GPANK1: variants seen among roughly 807,000 people sequenced by gnomAD.
The protein encoded by GPANK1 is G-patch domain and ankyrin repeats 1.
GPANK1 carries 22 observed loss-of-function variants against 24.0 expected under a neutral mutation model. That is an observed-to-expected ratio of 0.92 (90% confidence interval 0.66 to 1.31). GPANK1 has a LOEUF of 1.31. Among genes scored for constraint, GPANK1 ranks in the 50% most tolerant of loss-of-function variants. The probability of loss-of-function intolerance (pLI) is 0.00; values close to 1 mark genes in which losing one functional copy is unlikely to be tolerated. For missense variants in GPANK1, 469 were observed against 453.5 expected (o/e 1.03, Z -0.31); for synonymous variants, 174 against 177.4 (o/e 0.98, Z 0.15).
At position 31,664,184 on chromosome 6, in the gene GPANK1, C is replaced by T; in HGVS notation, c.295G>A (p.Glu99Lys). ...SGRHGQGRSL[E>K]AEDKMTHRIL... ...CGGTGAGTCATCTTATCCTCAGCCT[C>T]AAGGGATCTCCCTTGTCCATGTCTT... Residue 99 changes from glutamate (E) to lysine (K), a missense_variant, in exon 2 of 3, where the codon GAG becomes AAG. By Grantham distance (56) the Glu-to-Lys change is moderately conservative. Transcript: ENST00000375896. 1 of 1,614,252 alleles carries T rather than the reference C, an allele frequency of 6.2e-7. No homozygotes were observed. Among genetic ancestry groups the T allele is most frequent in the South Asian group, 1.1e-5 (1 of 91,092 alleles).
In GPANK1 at chr6:31,661,419, G is replaced by A. The variant is rs1165473002; in HGVS notation, c.*847C>T. On this transcript the variant is annotated 3_prime_UTR_variant, in exon 3 of 3. Transcript: ENST00000375896. ...CTGCATTATAATATTTGATAACATG[G>A]GCCGGGAGTGGTGGCTCATGCCTGC... The A allele has an allele frequency of 6.6e-6, 1 of 152,348 alleles. No homozygotes were observed. The highest frequency in any genetic ancestry group is 1.5e-5 in the Non-Finnish European group (1 of 68,100). 9.4% of individuals were successfully genotyped at this position (152,348 alleles called of 1,614,324 possible).
At position 31,662,941 on chromosome 6, in the gene GPANK1, C is replaced by T. The variant is rs559997087; in HGVS notation, c.627-231G>A. Among the ~76,000 whole-genome samples, 16 of 147,416 alleles carry T rather than the reference C, an allele frequency of 1.1e-4. No homozygotes were observed. The highest frequency in any genetic ancestry group is 1.5e-4 in the Non-Finnish European group (10 of 67,348). On this transcript the variant is annotated intron_variant, in intron 2 of 2. Transcript: ENST00000375896. This position sits in a 1 kb window ranked among gnomAD's most constrained non-coding sequence, Gnocchi z 5.5. ...GAGACCAGCCTGGGCAAAATGGCAA[C>T]GCCTGCTTTTTTTTTTTTTTTTTTT...
chr6:31,665,811 A>G (rs1466363912), upstream of GPANK1: 14 of 1,229,936 alleles, frequency 1.1e-5, no homozygotes, highest in Admixed American at 1.9e-4. Context: ...CTCTTCACCC[A>G]GTGAGCACAA....
chr6:31,665,555 G>A (rs368533693), upstream of GPANK1: 145 of 1,213,390 alleles, frequency 1.2e-4, 3 homozygotes, highest in South Asian at 1.8e-3. Context: ...AAGTCCCTAC[G>A]CACGGAGCCA....
At position 31,662,529 on chromosome 6, in the gene GPANK1, G is replaced by A. The variant is rs1801011028; in HGVS notation, c.808C>T (p.Pro270Ser). The A allele has an allele frequency of 6.2e-7, 1 of 1,612,714 alleles. No individual in the cohort carries two copies. The highest frequency in any genetic ancestry group is 8.5e-7 in the Non-Finnish European group (1 of 1,179,902). Residue 270 changes from proline to serine, a missense_variant, in exon 3 of 3, where the codon CCA (proline) becomes TCA (serine). Pro to Ser is a moderately conservative substitution (Grantham distance 74). Coordinates refer to ENST00000375896, the MANE Select transcript of GPANK1 (RefSeq NM_033177.4). This position sits in a 1 kb window ranked among gnomAD's most constrained non-coding sequence, Gnocchi z 5.5. The part of the protein sequence containing the change: ...FKLLLRGGWE[P>S]GMGLGPRGEG... Reference sequence around the variant, plus strand: ...CCCCGGGGTCCCAGCCCCATTCCTGGCTCCCAGCCCCCCCTCAGCAGCAGT... The same window carrying A: ...CCCCGGGGTCCCAGCCCCATTCCTGACTCCCAGCCCCCCCTCAGCAGCAGT...
Position 31,662,818 on chromosome 6 carries a change from C to G in GPANK1, c.627-108G>C. The G allele has an allele frequency of 1.5e-6, 1 of 681,344 alleles. No individual in the cohort carries two copies. The highest frequency in any genetic ancestry group is 2.4e-6 in the Non-Finnish European group (1 of 414,930). 42.2% of individuals were successfully genotyped at this position (681,344 alleles called of 1,614,324 possible). ...GAATAGGATCTTTTCAGCTTTTCTG[C>G]TAAGGAACAAATTGCCAGCTAGGCA... On this transcript the variant is annotated intron_variant, in intron 2 of 2. Coordinates refer to ENST00000375896, the MANE Select transcript of GPANK1 (RefSeq NM_033177.4). This position sits in a 1 kb window ranked among gnomAD's most constrained non-coding sequence, Gnocchi z 5.5.
rs758120404 is a variant in GPANK1, at chr6:31,664,050, C to T, written c.429G>A (p.Trp143Ter). Residue 143 changes from tryptophan (W) to a stop codon, truncating the protein, a stop_gained, in exon 2 of 3, where the codon TGG becomes TGA. Coordinates refer to ENST00000375896, the MANE Select transcript of GPANK1 (RefSeq NM_033177.4). LOFTEE classifies it high-confidence loss of function. ...GGNINARDAFWWTPLMCAARA... is the reference protein window; with the variant it reads ...GGNINARDAF Reference sequence around the variant, plus strand: ...GAGCAGCACACATCAGTGGGGTCCACCAGAAGGCATCCCGGGCGTTGATAT... The same window carrying T: ...GAGCAGCACACATCAGTGGGGTCCATCAGAAGGCATCCCGGGCGTTGATAT... 1 of 1,614,218 alleles carries T rather than the reference C, an allele frequency of 6.2e-7. No homozygotes were observed. The highest frequency in any genetic ancestry group is 8.5e-7 in the Non-Finnish European group (1 of 1,180,046).
chr6:31,662,292 T>C lies in GPANK1; in HGVS notation c.1045A>G (p.Arg349Gly). 1 of 1,564,142 alleles carries C rather than the reference T, an allele frequency of 6.4e-7. No homozygotes were observed. ...EKDRAWERDL[R>G]TYMNLEF Reference sequence around the variant, plus strand: ...CAGAACTCGAGGTTCATGTAAGTCCTTAGATCCCGCTCCCAAGCCCTGTCT... The same window carrying C: ...CAGAACTCGAGGTTCATGTAAGTCCCTAGATCCCGCTCCCAAGCCCTGTCT... The change falls in exon 3 of 3, where the codon AGG (arginine) becomes GGG (glycine). Residue 349 changes from arginine (R) to glycine (G), a missense_variant. Arg to Gly is a moderately radical substitution (Grantham distance 125). Transcript: ENST00000375896. This position sits in a 1 kb window ranked among gnomAD's most constrained non-coding sequence, Gnocchi z 5.5.
upstream of GPANK1, chr6:31,665,014 G>C (rs569987052): frequency 3.7e-6 from 1 of 267,870 alleles, no homozygotes; most frequent in East Asian, 8.4e-5. Context: ...CTAATCAGAA[G>C]AGTTGACACA....
chr6:31,664,265 T>C lies in GPANK1; in HGVS notation c.214A>G (p.Lys72Glu). 2 of 1,613,960 alleles carry C rather than the reference T, an allele frequency of 1.2e-6. No individual in the cohort carries two copies. The highest frequency in any genetic ancestry group is 8.5e-7 in the Non-Finnish European group (1 of 1,179,800). Residue 72 changes from lysine to glutamate, a missense_variant, in exon 2 of 3, where the codon AAA becomes GAA. By Grantham distance (56) the Lys-to-Glu change is moderately conservative (BLOSUM62 1). Coordinates refer to ENST00000375896, the MANE Select transcript of GPANK1 (RefSeq NM_033177.4). ...GCTGGTGCCTTCATTATTCTTCTTTTCTTTCTCTTTCTTTCTCTGGCAGGT... is the reference window on the plus strand; with the variant it reads ...GCTGGTGCCTTCATTATTCTTCTTTCCTTTCTCTTTCTTTCTCTGGCAGGT... ...TEPARERKRK[K>E]RRIMKAPAAE...
chr6:31,661,615 C>G lies in GPANK1; in HGVS notation c.*651G>C. ...CTGGGGAGGCTGAGGCAGGAGAATC[C>G]CTTGAACTCGGGGGGCAGAGGTTGT... On this transcript the variant is annotated 3_prime_UTR_variant, in exon 3 of 3. Coordinates refer to ENST00000375896, the MANE Select transcript of GPANK1 (RefSeq NM_033177.4). The G allele has an allele frequency of 6.5e-6, 1 of 153,414 alleles. No homozygotes were observed. The highest frequency in any genetic ancestry group is 1.5e-5 in the Non-Finnish European group (1 of 68,642). 9.5% of individuals were successfully genotyped at this position (153,414 alleles called of 1,614,324 possible).
At chr6:31,665,386 C>A, upstream of GPANK1, 2 of 1,444,164 alleles carry the variant, frequency 1.4e-6, no homozygotes, top group Non-Finnish European at 1.9e-6. Flanking sequence ...AATAACGTCA[C>A]GCCTGCCCCT....
In GPANK1 at chr6:31,663,865, C is replaced by A; in HGVS notation, c.614G>T (p.Ser205Ile). Residue 205 changes from serine to isoleucine, a missense_variant, in exon 2 of 3, where the codon AGC (serine) becomes ATC (isoleucine). Coordinates refer to ENST00000375896, the MANE Select transcript of GPANK1 (RefSeq NM_033177.4). ...MVRESHGETR[S>I]PENRSPTPSL... ...AGTTTCCCCTTACCGGTTTTCCGGG[C>A]TCCTTGTCTCTCCATGGCTCTCCCT... is the stretch of plus-strand genomic sequence containing the variant. The A allele has an allele frequency of 6.4e-7, 1 of 1,556,130 alleles. No homozygotes were observed. Among genetic ancestry groups the A allele is most frequent in the Non-Finnish European group, 8.7e-7 (1 of 1,152,296 alleles).
chr6:31,664,422 C>A lies in GPANK1; in HGVS notation c.57G>T (p.Trp19Cys). 1 of 1,614,106 alleles carries A rather than the reference C, an allele frequency of 6.2e-7. No homozygotes were observed. The highest frequency in any genetic ancestry group is 2.2e-5 in the East Asian group (1 of 44,890). ...FTPATDPSDLWKDGQQQPQPE... is the reference protein window; with the variant it reads ...FTPATDPSDLCKDGQQQPQPE... ...GCTGTGGCTGCTGCTGCCCATCCTT[C>A]CAGAGGTCGCTGGGGTCAGTGGCTG... The change falls in exon 2 of 3, where the codon TGG (tryptophan) becomes TGT (cysteine). Residue 19 changes from tryptophan (W) to cysteine (C), a missense_variant. Trp to Cys is a radical substitution (Grantham distance 215). Coordinates refer to ENST00000375896, the MANE Select transcript of GPANK1 (RefSeq NM_033177.4).
upstream of GPANK1, chr6:31,665,777 C>CT: frequency 1.9e-6 from 2 of 1,076,002 alleles, no homozygotes; most frequent in Non-Finnish European, 2.5e-6. Context: ...GCCTGGCTCC[C>CT]TCCTTTCCCC....
chr6:31,664,675 G>GT, intron 1 of GPANK1, 98 bp from the exon 2 acceptor site: 1 of 582,034 alleles, frequency 1.7e-6, no homozygotes, highest in Non-Finnish European at 3.0e-6. Context: ...GAGACTTTGC[G>GT]TAAAAACATG....
chr6:31,663,349 C>T (rs773160278), intron 2 of GPANK1: 1 of 154,658 alleles, frequency 6.5e-6, no homozygotes, highest in Non-Finnish European at 1.4e-5. Context: ...ACAGATCAAA[C>T]TCCTTACTCC....
At chr6:31,666,129 C>A, upstream of GPANK1, 4 of 995,714 alleles carry the variant, frequency 4.0e-6, no homozygotes, top group Non-Finnish European at 4.8e-6. Context: ...GGGTCCGCGG[C>A]CTGCGCTGTA....
At chr6:31,665,768 C>G, upstream of GPANK1, 1 of 1,003,992 alleles carries the variant, frequency 1.0e-6, no homozygotes, top group Non-Finnish European at 1.4e-6. Context: ...AGAGATCCAG[C>G]CTGGCTCCCT....
Sources: gnomAD v4.1 joint callset for allele counts (sites outside exome capture counted in the v4.1 genomes callset) on GRCh38, gnomAD v4.1.1 for gene constraint, Gnocchi (gnomAD v3.1) non-coding constraint, MANE v1.5 for transcripts, NCBI Gene and HGNC (gene_info 2026-07-23, HGNC 2026-07-21) for gene names.